Variants in TCF7L1 observed in about 807,000 individuals in gnomAD.
The protein encoded by TCF7L1 is transcription factor 7-like 1.
A neutral mutation model predicts 63.7 loss-of-function variants in TCF7L1; 18 were observed. The observed-to-expected ratio is 0.28, with a 90% CI of 0.20 to 0.42. TCF7L1 has a LOEUF of 0.42. Among genes scored for constraint, TCF7L1 ranks in the 10% least tolerant of loss-of-function variants. The pLI, the probability that TCF7L1 is intolerant of heterozygous loss-of-function variation, is 1.00. For missense variants in TCF7L1, 654 were observed against 779.3 expected (o/e 0.84, Z 1.91); for synonymous variants, 355 against 340.9 (o/e 1.04, Z -0.46).
intron 4 of TCF7L1, among the ~76,000 whole-genome samples, chr2:85,300,289 T>C (rs966270659): frequency 2.6e-5 from 4 of 152,186 alleles, no homozygotes; most frequent in Non-Finnish European, 5.9e-5. Context: ...AAGTCACCCT[T>C]TAGACAAAGC....
In TCF7L1 at chr2:85,153,340, A is replaced by ATTTTTTTTTTTTTTTTTTTTT. The variant is rs66697146; in HGVS notation, c.441+18909_441+18910insTTTTTTTTTTTTTTTTTTTTT. Among the ~76,000 whole-genome samples the ATTTTTTTTTTTTTTTTTTTTT allele has an allele frequency of 3.8e-4, 39 of 102,270 alleles. 1 individual carries two copies. Among genetic ancestry groups the ATTTTTTTTTTTTTTTTTTTTT allele is most frequent in the Non-Finnish European group, 5.3e-4 (29 of 55,226 alleles). The allele number at this position is 102,270 out of a possible 152,430, so 67.1% of individuals were successfully genotyped here. A position where few individuals can be genotyped will look rare whatever the true frequency, so the allele number is the denominator to read the frequency against. On this transcript the variant is annotated intron_variant, in intron 3 of 11. Coordinates refer to ENST00000282111, the MANE Select transcript of TCF7L1 (RefSeq NM_031283.3). Reference sequence around the variant, plus strand: ...TTCATGATCTTGCTAGCCTTTATAAATTTTTTTTTTTTTTTTTTTGAGATG... The same window carrying ATTTTTTTTTTTTTTTTTTTTT: ...TTCATGATCTTGCTAGCCTTTATAAATTTTTTTTTTTTTTTTTTTTTTTTTTTTTTTTTTTTTTTTGAGATG...
intron 3 of TCF7L1, among the ~76,000 whole-genome samples, chr2:85,177,296 G>C (rs1457995667): frequency 6.6e-6 from 1 of 152,160 alleles, no homozygotes; most frequent in Non-Finnish European, 1.5e-5. Context: ...CATCACATTG[G>C]GGATTGGATT....
At chr2:85,137,534 C>G (rs1310398180) in intron 3 of TCF7L1, among the ~76,000 whole-genome samples, 1 of 152,234 alleles carries the variant, frequency 6.6e-6, no homozygotes, top group Non-Finnish European at 1.5e-5. Flanking sequence ...ATTATACATT[C>G]ATTTCTGAAA....
intron 3 of TCF7L1, among the ~76,000 whole-genome samples, chr2:85,177,379 A>T (rs1035604299): frequency 6.6e-6 from 1 of 152,200 alleles, no homozygotes; most frequent in African/African-American, 2.4e-5. Flanking sequence ...TTTTAAAAAA[A>T]TTTTAAGTAT....
chr2:85,171,685 C>T (rs1678547931), intron 3 of TCF7L1, among the ~76,000 whole-genome samples: 1 of 152,160 alleles, frequency 6.6e-6, no homozygotes, highest in Non-Finnish European at 1.5e-5. Flanking sequence ...ACTGATAGAG[C>T]CAGGAAGTGA....
At position 85,157,150 on chromosome 2, in the gene TCF7L1, A is replaced by G. The variant is rs542830793; in HGVS notation, c.441+22700A>G. Among the ~76,000 whole-genome samples, 30 of 152,314 alleles carry G rather than the reference A, an allele frequency of 2.0e-4. No homozygotes were observed. In the South Asian group the frequency reaches 5.8e-3, roughly 29 times the overall value. On this transcript the variant is annotated intron_variant, in intron 3 of 11. Transcript: ENST00000282111. ...GAAGAGGCCTTAGAGACCCATTTGA[A>G]TTTTAGTTATAGTTGAGGAAACTGA...
chr2:85,220,360 A>AT (rs1679813851), intron 3 of TCF7L1, among the ~76,000 whole-genome samples: 18 of 150,450 alleles, frequency 1.2e-4, no homozygotes, highest in Admixed American at 2.0e-4. Context: ...ACTTAAAAAA[A>AT]AATATATATA....
chr2:85,208,569 T>C (rs1013710447), intron 3 of TCF7L1, among the ~76,000 whole-genome samples: 2 of 152,162 alleles, frequency 1.3e-5, no homozygotes, highest in Non-Finnish European at 2.9e-5. Context: ...CATGGCTAAA[T>C]TCTCACCATT....
intron 3 of TCF7L1, among the ~76,000 whole-genome samples, chr2:85,268,209 A>G (rs530836858): frequency 6.6e-5 from 10 of 152,262 alleles, no homozygotes; most frequent in African/African-American, 2.4e-4. Context: ...CATTCTCCCA[A>G]AAGGTGATGG....
At chr2:85,230,626 C>T (rs1241478315) in intron 3 of TCF7L1, among the ~76,000 whole-genome samples, 5 of 152,184 alleles carry the variant, frequency 3.3e-5, no homozygotes, top group African/African-American at 4.8e-5. Context: ...TGAGCCACCA[C>T]GCCCAACCTT....
Position 85,301,784 on chromosome 2 carries a change from A to G in TCF7L1, c.526-700A>G, listed in dbSNP as rs72934685. The stretch of plus-strand genomic sequence containing the variant: ...TGCCCTGTTCCCAGTCCCAGACTTG[A>G]ACCTGAGAGCAACTGTTTCTATGAA... On this transcript the variant is annotated intron_variant, in intron 4 of 11. Coordinates refer to ENST00000282111, the MANE Select transcript of TCF7L1 (RefSeq NM_031283.3). 2.8e-3 allele frequency among the ~76,000 whole-genome samples: 427 copies of G among 152,264 alleles called. 3 individuals are homozygous for G. The highest frequency in any genetic ancestry group is 9.8e-3 in the African/African-American group (407 of 41,532).
chr2:85,277,284 C>T (rs1424928982), intron 3 of TCF7L1, among the ~76,000 whole-genome samples: 1 of 152,040 alleles, frequency 6.6e-6, no homozygotes, highest in Admixed American at 6.5e-5. Flanking sequence ...AGACACGGAT[C>T]GCTTCTTCAC....
Position 85,133,573 on chromosome 2 carries a change from G to C in TCF7L1, c.-112G>C, listed in dbSNP as rs1316523712. 1 of 275,710 alleles carries C rather than the reference G, an allele frequency of 3.6e-6. No homozygotes were observed. Among genetic ancestry groups the C allele is most frequent in the Non-Finnish European group, 5.5e-6 (1 of 183,148 alleles). 17.1% of individuals were successfully genotyped at this position (275,710 alleles called of 1,614,324 possible). On this transcript the variant is annotated 5_prime_UTR_variant, in exon 1 of 12. Transcript: ENST00000282111. The surrounding 1 kb of genome is among the most constrained non-coding windows in gnomAD (Gnocchi z 4.4). ...GCCACGCCCTGTCAAACTTTGTTGC[G>C]GCGGCTAGCGCAGCGGGCCCGCAAG...
chr2:85,276,047 G>A lies in TCF7L1; in HGVS notation c.442-7448G>A, dbSNP rs751415956. Among the ~76,000 whole-genome samples the A allele has an allele frequency of 6.6e-5, 10 of 151,974 alleles. 1 individual carries two copies. Among genetic ancestry groups the A allele is most frequent in the Admixed American group, 5.2e-4 (8 of 15,242 alleles). ...GCATAAATGACTCATTCTTAAGAAA[G>A]AAGGGATAAGAGTGTAAAACTTCTT... On this transcript the variant is annotated intron_variant, in intron 3 of 11. Coordinates refer to ENST00000282111, the MANE Select transcript of TCF7L1 (RefSeq NM_031283.3).
In TCF7L1 at chr2:85,134,137, G is replaced by A. The variant is rs1029373012; in HGVS notation, c.313+58G>A. 1.1e-5 allele frequency: 18 copies of A among 1,581,964 alleles called. No homozygotes were observed. The African/African-American group carries it at 2.0e-4, about 18-fold the overall frequency. Reference sequence around the variant, plus strand: ...GATTCCCGCTGCGCTCCGCTGCTCAGCCCGGGCGGCCCACCGTCCCCCTTG... The same window carrying A: ...GATTCCCGCTGCGCTCCGCTGCTCAACCCGGGCGGCCCACCGTCCCCCTTG... On this transcript the variant is annotated intron_variant, in intron 2 of 11. Transcript: ENST00000282111. The surrounding 1 kb of genome is among the most constrained non-coding windows in gnomAD (Gnocchi z 5.0).
intron 3 of TCF7L1, among the ~76,000 whole-genome samples, chr2:85,262,572 G>A (rs1680882690): frequency 6.6e-6 from 1 of 152,150 alleles, no homozygotes; most frequent in African/African-American, 2.4e-5. Flanking sequence ...TCAAGGACTT[G>A]TTAAAGATCC....
chr2:85,194,523 T>A (rs972471004), intron 3 of TCF7L1, among the ~76,000 whole-genome samples: 3 of 151,758 alleles, frequency 2.0e-5, no homozygotes, highest in Admixed American at 6.6e-5. Context: ...AGAATGAAAA[T>A]TGTAGGAAAA....
At chr2:85,214,255 A>G (rs1679639758) in intron 3 of TCF7L1, among the ~76,000 whole-genome samples, 1 of 152,178 alleles carries the variant, frequency 6.6e-6, no homozygotes, top group Admixed American at 6.5e-5. Context: ...GCTTGTTACT[A>G]CCAGATTCGA....
intron 4 of TCF7L1, among the ~76,000 whole-genome samples, chr2:85,298,302 C>T (rs1464612561): frequency 1.3e-5 from 2 of 151,306 alleles, no homozygotes; most frequent in Admixed American, 6.6e-5. Context: ...ACCATCCTGG[C>T]CAACATGGTG....
Sources: gnomAD v4.1 joint callset for allele counts (sites outside exome capture counted in the v4.1 genomes callset) on GRCh38, gnomAD v4.1.1 for gene constraint, Gnocchi (gnomAD v3.1) non-coding constraint, MANE v1.5 for transcripts, NCBI Gene and HGNC (gene_info 2026-07-23, HGNC 2026-07-21) for gene names.